The following DHX33 variants were observed in gnomAD, a reference collection of about 807,000 sequenced individuals.
DHX33 encodes DEAH-box helicase 33, also known as ATP-dependent RNA helicase DHX33.
DHX33 carries 42 observed loss-of-function variants against 72.5 expected under a neutral mutation model. That is an observed-to-expected ratio of 0.58 (90% CI 0.45 to 0.75). DHX33 has a LOEUF of 0.75. Among genes scored for constraint, DHX33 ranks in the 30% least tolerant of loss-of-function variants. The pLI, the probability that DHX33 is intolerant of heterozygous loss-of-function variation, is 0.00. For missense variants in DHX33, 842 were observed against 917.5 expected, an observed-to-expected ratio of 0.92 and a Z score of 1.06; for synonymous variants, 358 against 366.1, an observed-to-expected ratio of 0.98 and a Z score of 0.25.
rs759237529 is a variant in DHX33 at position 5,468,556 on chromosome 17, G to C, written c.289+15C>G. On this transcript the variant is annotated intron_variant, in intron 1 of 11. Coordinates refer to ENST00000225296, the MANE Select transcript of DHX33 (RefSeq NM_020162.4). ...GACGAAGTGCAAGGAAGAGCCCGCC[G>C]GCGCGGCCACTCACCGATGAGGACC... 2 of 1,602,634 alleles carry C rather than the reference G, an allele frequency of 1.2e-6. No individual in the cohort carries two copies. Among genetic ancestry groups the C allele is most frequent in the South Asian group, 2.2e-5 (2 of 89,552 alleles).
chr17:5,459,501 T>G (rs1261927490), intron 4 of DHX33, among the ~76,000 whole-genome samples: 1 of 151,980 alleles, frequency 6.6e-6, no homozygotes, highest in Non-Finnish European at 1.5e-5. Context: ...GTGATCATAG[T>G]TCACTGCAGC....
rs1277335265 is a variant in DHX33, at chr17:5,440,965, A to G, written c.*3240T>C. ...TTGATCGTCGGGTGCAAATTTGAGC[A>G]TTATTTACAAGAGCTTTCTGTAGAG... On this transcript the variant is annotated 3_prime_UTR_variant, in exon 12 of 12. Transcript: ENST00000225296. The G allele has an allele frequency of 6.6e-6, 1 of 152,260 alleles. No homozygotes were observed. The highest frequency in any genetic ancestry group is 1.5e-5 in the Non-Finnish European group (1 of 68,046). The allele number at this position is 152,260 out of a possible 1,614,324, so 9.4% of individuals were successfully genotyped here.
At chr17:5,465,834 T>C (rs1427776434) in intron 1 of DHX33, among the ~76,000 whole-genome samples, 1 of 152,220 alleles carries the variant, frequency 6.6e-6, no homozygotes, top group Non-Finnish European at 1.5e-5. Flanking sequence ...GCAGGGCTCC[T>C]GAACCTGTCT....
chr17:5,460,347 A>C (rs1243356170), intron 4 of DHX33, among the ~76,000 whole-genome samples: 1 of 151,990 alleles, frequency 6.6e-6, no homozygotes, highest in East Asian at 1.9e-4. Flanking sequence ...ATAATCAAGG[A>C]AAGTTGGTAA....
chr17:5,458,090 G>A (rs1032132283), intron 4 of DHX33, among the ~76,000 whole-genome samples: 4 of 152,142 alleles, frequency 2.6e-5, no homozygotes, highest in African/African-American at 9.7e-5. Context: ...TGAGTATAGA[G>A]TAGTTAAAGC....
chr17:5,459,007 G>A (rs910254271), intron 4 of DHX33, among the ~76,000 whole-genome samples: 2 of 152,016 alleles, frequency 1.3e-5, no homozygotes, highest in African/African-American at 4.8e-5. Flanking sequence ...AGACCAGTCC[G>A]GGCAACGTAG....
At chr17:5,447,812 C>T (rs1040404221) in intron 11 of DHX33, among the ~76,000 whole-genome samples, 1 of 152,146 alleles carries the variant, frequency 6.6e-6, no homozygotes, top group African/African-American at 2.4e-5. Flanking sequence ...CAATGAAATG[C>T]TATGAAATCA....
intron 9 of DHX33, 104 bp from the exon 10 acceptor site, chr17:5,450,510 G>A: frequency 1.6e-6 from 2 of 1,242,274 alleles, no homozygotes; most frequent in Non-Finnish European, 1.1e-6. Context: ...AGGAGTTAAA[G>A]GGCAGGTATT....
At chr17:5,453,242 A>G (rs762568957) in intron 8 of DHX33, among the ~76,000 whole-genome samples, 3 of 152,150 alleles carry the variant, frequency 2.0e-5, no homozygotes, top group Non-Finnish European at 4.4e-5. Context: ...ATCGTTTCAT[A>G]GCTAGGAACA....
intron 6 of DHX33, 123 bp downstream of exon 6, chr17:5,455,037 G>A: frequency 1.2e-6 from 1 of 854,136 alleles, no homozygotes; most frequent in Non-Finnish European, 1.9e-6. Context: ...TCTCACTCAT[G>A]GCGCCTGCCA....
intron 10 of DHX33, among the ~76,000 whole-genome samples, chr17:5,449,211 G>T (rs1256065139): frequency 6.6e-6 from 1 of 152,156 alleles, no homozygotes; most frequent in Admixed American, 6.6e-5. Flanking sequence ...TGAACTATAA[G>T]AAAAGTGTTA....
chr17:5,462,521 T>C lies in DHX33; in HGVS notation c.476A>G (p.Asp159Gly), dbSNP rs1904687846. 2 of 1,613,924 alleles carry C rather than the reference T, an allele frequency of 1.2e-6. No homozygotes were observed. Among genetic ancestry groups the C allele is most frequent in the East Asian group, 4.5e-5 (2 of 44,896 alleles). ...GATCCTGGTGTCTTCTGAGGTGACATCATCAAAGCGCACTGTATAGCCAAC... is the reference window on the plus strand; with the variant it reads ...GATCCTGGTGTCTTCTGAGGTGACACCATCAAAGCGCACTGTATAGCCAAC... ...KLVGYTVRFD[D>G]VTSEDTRIKF... The change falls in exon 3 of 12, where the codon GAT becomes GGT. Residue 159 changes from aspartate (D) to glycine (G), a missense_variant. Coordinates refer to ENST00000225296, the MANE Select transcript of DHX33 (RefSeq NM_020162.4).
chr17:5,455,006 G>T (rs750918003), intron 6 of DHX33, among the ~76,000 whole-genome samples, 154 bp downstream of exon 6: 7 of 152,066 alleles, frequency 4.6e-5, no homozygotes, highest in African/African-American at 1.7e-4. Context: ...GGACTCCTTC[G>T]CGGACCTGGA....
intron 4 of DHX33, among the ~76,000 whole-genome samples, chr17:5,457,360 T>C (rs1904371641): frequency 6.6e-6 from 1 of 151,346 alleles, no homozygotes; most frequent in African/African-American, 2.4e-5. Flanking sequence ...CAGTGGCTCA[T>C]GCCTGTAACC....
At position 5,441,928 on chromosome 17, in the gene DHX33, A is replaced by G. The variant is rs1916450573; in HGVS notation, c.*2277T>C. The G allele has an allele frequency of 6.6e-6, 1 of 151,936 alleles. No homozygotes were observed. The highest frequency in any genetic ancestry group is 2.4e-5 in the African/African-American group (1 of 41,306). 9.4% of individuals were successfully genotyped at this position (151,936 alleles called of 1,614,324 possible). On this transcript the variant is annotated 3_prime_UTR_variant, in exon 12 of 12. Transcript: ENST00000225296. ...CTTTTTTTTTCTGAGACCGTCTCAC[A>G]CTGTCGGCCAGGCTGGAATGCAGTG...
intron 4 of DHX33, among the ~76,000 whole-genome samples, chr17:5,457,225 T>C (rs897030675): frequency 1.9e-4 from 29 of 152,088 alleles, no homozygotes; most frequent in African/African-American, 7.0e-4. Context: ...GGAGAATCAC[T>C]TGAACATGGG....
chr17:5,458,652 G>C (rs1050614737), intron 4 of DHX33, among the ~76,000 whole-genome samples: 2 of 152,066 alleles, frequency 1.3e-5, no homozygotes, highest in Non-Finnish European at 2.9e-5. Context: ...TTGGGGAGGG[G>C]CATTCTAAAC....
At chr17:5,458,303 A>G (rs1228438413) in intron 4 of DHX33, among the ~76,000 whole-genome samples, 3 of 152,050 alleles carry the variant, frequency 2.0e-5, no homozygotes, top group African/African-American at 7.2e-5. Flanking sequence ...CGACTGGCAT[A>G]TGAGATGTTG....
chr17:5,450,272 T>C lies in DHX33; in HGVS notation c.1659A>G (p.Ile553Met). 1 of 1,614,184 alleles carries C rather than the reference T, an allele frequency of 6.2e-7. No homozygotes were observed. Among genetic ancestry groups the C allele is most frequent in the Non-Finnish European group, 8.5e-7 (1 of 1,180,040 alleles). The change falls in exon 10 of 12, where the codon ATA becomes ATG. Residue 553 changes from isoleucine to methionine, a missense_variant. Transcript: ENST00000225296. The stretch of plus-strand genomic sequence containing the variant: ...GGGTCATGTGATCCCCCTCGCTGGA[T>C]ATGAACTTCTTGCGGACCCCTTGCA... ...EEVQGVRKKF[I>M]SSEGDHMTLL...
Sources: allele counts gnomAD v4.1 joint callset (sites outside exome capture counted in the v4.1 genomes callset), GRCh38; gene constraint gnomAD v4.1.1; transcripts MANE v1.5; gene names NCBI Gene and HGNC (gene_info 2026-07-23, HGNC 2026-07-21).